CAMK4: variants seen among roughly 807,000 people sequenced by gnomAD.
CAMK4 encodes calcium/calmodulin dependent protein kinase IV.
In CAMK4, 22 loss-of-function variants were observed where a neutral mutation model predicts 44.9. The observed-to-expected ratio is 0.49, with a 90% CI of 0.35 to 0.70. The LOEUF is 0.70. Among genes scored for constraint, CAMK4 ranks in the 30% least tolerant of loss-of-function variants. The probability of loss-of-function intolerance (pLI) is 0.01; values close to 1 mark genes in which losing one functional copy is unlikely to be tolerated. For synonymous variants in CAMK4, 218 were observed against 215.4 expected, an observed-to-expected ratio of 1.01 and a Z score of -0.11; for missense variants, 498 against 586.8, an observed-to-expected ratio of 0.85 and a Z score of 1.56.
intron 6 of CAMK4, among the ~76,000 whole-genome samples, chr5:111,447,326 C>G (rs1754065071): frequency 6.6e-6 from 1 of 152,166 alleles, no homozygotes. Context: ...CACAGAAATG[C>G]TATGGCTGAT....
At chr5:111,269,188 C>G (rs1038746442) in intron 1 of CAMK4, among the ~76,000 whole-genome samples, 1 of 152,176 alleles carries the variant, frequency 6.6e-6, no homozygotes, top group Non-Finnish European at 1.5e-5. Context: ...ACCTACTGTT[C>G]TGTATGTGAG....
At chr5:111,311,200 T>C (rs73232008) in intron 1 of CAMK4, among the ~76,000 whole-genome samples, 4,187 of 152,102 alleles carry the variant, frequency 0.028, 212 homozygotes, top group African/African-American at 0.096. Flanking sequence ...TGGCATAAGG[T>C]TGTAATTAGG....
intron 4 of CAMK4, among the ~76,000 whole-genome samples, chr5:111,381,447 C>G (rs185608327): frequency 3.9e-5 from 6 of 152,212 alleles, no homozygotes; most frequent in African/African-American, 7.2e-5. Flanking sequence ...GTCCAAGAGT[C>G]GGAAAGCTGA....
chr5:111,455,869 TCTC>T (rs1171596136), intron 7 of CAMK4, among the ~76,000 whole-genome samples: 10 of 152,126 alleles, frequency 6.6e-5, no homozygotes, highest in Non-Finnish European at 1.2e-4. Flanking sequence ...TAAATCTCAG[TCTC>T]CTCAACTATA....
chr5:111,402,462 G>T (rs935615604), intron 5 of CAMK4, among the ~76,000 whole-genome samples: 1 of 152,222 alleles, frequency 6.6e-6, no homozygotes, highest in African/African-American at 2.4e-5. Context: ...ATTACTGTCT[G>T]TATTTAGTAC....
chr5:111,321,648 T>C (rs1748668570), intron 1 of CAMK4, among the ~76,000 whole-genome samples: 1 of 152,120 alleles, frequency 6.6e-6, no homozygotes, highest in African/African-American at 2.4e-5. Context: ...TGATCTAAAA[T>C]GGGTAGTTAT....
At chr5:111,379,294 A>G (rs574938877) in intron 4 of CAMK4, among the ~76,000 whole-genome samples, 143 of 152,272 alleles carry the variant, frequency 9.4e-4, no homozygotes, top group African/African-American at 3.2e-3. Flanking sequence ...CCTTTCTTCC[A>G]TGAAAGAATT....
intron 6 of CAMK4, among the ~76,000 whole-genome samples, chr5:111,448,039 C>T (rs1754088707): frequency 6.6e-6 from 1 of 152,188 alleles, no homozygotes; most frequent in South Asian, 2.1e-4. Context: ...GATCAGGCAC[C>T]TGCCAGGAAA....
In CAMK4 at chr5:111,224,670, A is replaced by T; in HGVS notation, c.161+26A>T. 6.3e-7 allele frequency: 1 copy of T among 1,590,490 alleles called. No homozygotes were observed. Among genetic ancestry groups the T allele is most frequent in the Non-Finnish European group, 8.6e-7 (1 of 1,169,144 alleles). Reference sequence around the variant, plus strand: ...GTAAGGCGCGGGCTCCGGCTGGGGAAGCCCGCGGCGTGCACTGGGGGTTGT... The same window carrying T: ...GTAAGGCGCGGGCTCCGGCTGGGGATGCCCGCGGCGTGCACTGGGGGTTGT... On this transcript the variant is annotated intron_variant, in intron 1 of 10. Coordinates refer to ENST00000282356, the MANE Select transcript of CAMK4 (RefSeq NM_001744.6). The surrounding 1 kb of genome is among the most constrained non-coding windows in gnomAD (Gnocchi z 5.7).
intron 5 of CAMK4, among the ~76,000 whole-genome samples, chr5:111,406,540 C>T (rs6594509): frequency 0.91 from 138,249 of 152,120 alleles, 62,902 homozygotes; most frequent in East Asian, 0.99. Context: ...TTTCTTTTTA[C>T]GCTCTTCTTT....
rs1392212188 is a variant in CAMK4 at position 111,347,934 on chromosome 5, C to T, written c.240+3832C>T. ...ATTTGAAGATGAGTGAAACATATCACATTTAAGAAAGTTAATAAGGAAACC... is the reference window on the plus strand; with the variant it reads ...ATTTGAAGATGAGTGAAACATATCATATTTAAGAAAGTTAATAAGGAAACC... On this transcript the variant is annotated intron_variant, in intron 2 of 10. Transcript: ENST00000282356. 2.0e-5 allele frequency among the ~76,000 whole-genome samples: 3 copies of T among 151,914 alleles called. No homozygotes were observed. In the East Asian group the frequency reaches 5.8e-4, roughly 30 times the overall value.
At chr5:111,381,833 T>C (rs189029734) in intron 4 of CAMK4, among the ~76,000 whole-genome samples, 36 of 152,314 alleles carry the variant, frequency 2.4e-4, no homozygotes, top group Admixed American at 1.6e-3. Flanking sequence ...GTTTTAAATT[T>C]TTTTCACAGA....
chr5:111,406,069 T>C (rs948930346), intron 5 of CAMK4, among the ~76,000 whole-genome samples: 15 of 151,276 alleles, frequency 9.9e-5, no homozygotes, highest in Non-Finnish European at 1.6e-4. Context: ...ATTACATTCT[T>C]TTTTTTTTGT....
chr5:111,446,669 T>A lies in CAMK4; in HGVS notation c.460-17T>A. On this transcript the variant is annotated splice_polypyrimidine_tract_variant and intron_variant, in intron 5 of 10. Coordinates refer to ENST00000282356, the MANE Select transcript of CAMK4 (RefSeq NM_001744.6). Reference sequence around the variant, plus strand: ...ATAGCATTACACAAATGTTATTTCATTATTTTCCCTCTTTAGTATCTACAT... The same window carrying A: ...ATAGCATTACACAAATGTTATTTCAATATTTTCCCTCTTTAGTATCTACAT... 7.5e-7 allele frequency: 1 copy of A among 1,327,338 alleles called. No homozygotes were observed. The highest frequency in any genetic ancestry group is 1.2e-5 in the South Asian group (1 of 80,556). 82.2% of individuals were successfully genotyped at this position (1,327,338 alleles called of 1,614,324 possible). A position where few individuals can be genotyped will look rare whatever the true frequency, so the allele number is the denominator to read the frequency against.
At chr5:111,406,768 CTT>C (rs1248668783) in intron 5 of CAMK4, among the ~76,000 whole-genome samples, 1 of 152,122 alleles carries the variant, frequency 6.6e-6, no homozygotes, top group Non-Finnish European at 1.5e-5. Context: ...CAACATCTAA[CTT>C]ATTTATCTTC....
intron 1 of CAMK4, among the ~76,000 whole-genome samples, chr5:111,309,502 C>T (rs306082): frequency 0.93 from 142,156 of 152,198 alleles, 66,477 homozygotes; most frequent in African/African-American, 0.98. Flanking sequence ...TAAGGTCTCA[C>T]TAAAGCTGAA....
intron 1 of CAMK4, among the ~76,000 whole-genome samples, chr5:111,314,624 AT>A (rs1489726106): frequency 6.6e-6 from 1 of 152,106 alleles, no homozygotes; most frequent in African/African-American, 2.4e-5. Flanking sequence ...TAATGAACCA[AT>A]TAATTAGTTC....
chr5:111,274,008 A>G (rs941718683), intron 1 of CAMK4, among the ~76,000 whole-genome samples: 2 of 151,914 alleles, frequency 1.3e-5, no homozygotes, highest in African/African-American at 2.4e-5. Context: ...GATGGCATCT[A>G]TGGAGTATGG....
intron 2 of CAMK4, among the ~76,000 whole-genome samples, chr5:111,371,516 A>G (rs1751004479): frequency 6.6e-6 from 1 of 152,080 alleles, no homozygotes; most frequent in Non-Finnish European, 1.5e-5. Context: ...GAAGGACCAT[A>G]TTTCGTTTGT....
Sources: gnomAD v4.1 joint callset for allele counts (sites outside exome capture counted in the v4.1 genomes callset) on GRCh38, gnomAD v4.1.1 for gene constraint, Gnocchi (gnomAD v3.1) non-coding constraint, MANE v1.5 for transcripts, NCBI Gene and HGNC (gene_info 2026-07-23, HGNC 2026-07-21) for gene names.